The following MAGI2 variants were observed in gnomAD, a reference collection of about 807,000 sequenced individuals.
MAGI2 encodes the protein membrane associated guanylate kinase, WW and PDZ domain containing 2, also known as membrane-associated guanylate kinase, WW and PDZ domain-containing protein 2.
MAGI2 carries 35 observed loss-of-function variants against 133.3 expected under a neutral mutation model. That is an observed-to-expected ratio of 0.26 (90% confidence interval 0.20 to 0.35). The LOEUF is 0.35. Among genes scored for constraint, MAGI2 ranks in the 10% least tolerant of loss-of-function variants. MAGI2 has a pLI of 1.00. For synonymous variants in MAGI2, 729 were observed against 710.6 expected (o/e 1.03, Z -0.41); for missense variants, 1,636 against 1,863.4 (o/e 0.88, Z 2.25).
rs111948077 is a variant in MAGI2 at position 79,009,111 on chromosome 7, G to A, written c.302-1905C>T. On this transcript the variant is annotated intron_variant, in intron 1 of 21. Coordinates refer to ENST00000354212, the MANE Select transcript of MAGI2 (RefSeq NM_012301.4). ...TGCCAACTATAGAACAACAGATGTA[G>A]TCTCCTTATTAAGGTAAGCCAGAAT... The A allele has an allele frequency of 1.1e-4, 16 of 152,098 alleles. No individual in the cohort carries two copies. In the East Asian group the frequency reaches 1.4e-3, roughly 13 times the overall value. 9.4% of individuals were successfully genotyped at this position (152,098 alleles called of 1,614,324 possible). A position where few individuals can be genotyped will look rare whatever the true frequency, so the allele number is the denominator to read the frequency against.
At chr7:79,157,426 G>A (rs1823887072) in intron 1 of MAGI2, among the ~76,000 whole-genome samples, 1 of 151,954 alleles carries the variant, frequency 6.6e-6, no homozygotes, top group South Asian at 2.1e-4. Flanking sequence ...ACAGACCACT[G>A]GAGAGAGAAA....
intron 1 of MAGI2, among the ~76,000 whole-genome samples, chr7:79,038,695 A>G (rs929323120): frequency 6.6e-6 from 1 of 152,156 alleles, no homozygotes; most frequent in Non-Finnish European, 1.5e-5. Context: ...TGTGTATGGA[A>G]TATAATTTCT....
At chr7:78,388,989 G>A (rs1475061299) in intron 6 of MAGI2, among the ~76,000 whole-genome samples, 1 of 152,068 alleles carries the variant, frequency 6.6e-6, no homozygotes, top group Non-Finnish European at 1.5e-5. Context: ...ATCTATTTCT[G>A]CTCAAAGATC....
chr7:78,277,095 T>TTACATTAGTTTGATGTA (rs1456944086), intron 9 of MAGI2, among the ~76,000 whole-genome samples: 2 of 152,194 alleles, frequency 1.3e-5, no homozygotes, highest in Non-Finnish European at 2.9e-5. Flanking sequence ...CTAGTGTAAC[T>TTACATTAGTTTGATGTA]TACATTAGTT....
intron 2 of MAGI2, among the ~76,000 whole-genome samples, chr7:78,686,680 A>G (rs1374426457): frequency 6.6e-6 from 1 of 152,110 alleles, no homozygotes; most frequent in Non-Finnish European, 1.5e-5. Context: ...TGTTCAAAAT[A>G]TTGTCGAGCT....
At chr7:78,795,120 T>A (rs931741873) in intron 2 of MAGI2, among the ~76,000 whole-genome samples, 22 of 152,094 alleles carry the variant, frequency 1.4e-4, no homozygotes, top group African/African-American at 5.1e-4. Context: ...AAGGGAGATT[T>A]CAAATTATTA....
At chr7:78,847,193 T>A (rs115140888) in intron 2 of MAGI2, among the ~76,000 whole-genome samples, 1 of 152,124 alleles carries the variant, frequency 6.6e-6, no homozygotes, top group East Asian at 1.9e-4. Context: ...TCATAATTAA[T>A]ATATTCATTT....
chr7:78,760,361 C>CTCT (rs548812609), intron 2 of MAGI2, among the ~76,000 whole-genome samples: 3 of 124,640 alleles, frequency 2.4e-5, no homozygotes, highest in Non-Finnish European at 4.9e-5. Flanking sequence ...TTAATTCTCT[C>CTCT]TTTTTTTTTT....
intron 1 of MAGI2, among the ~76,000 whole-genome samples, chr7:79,317,802 G>A (rs1429509714): frequency 6.6e-6 from 1 of 152,086 alleles, no homozygotes; most frequent in African/African-American, 2.4e-5. Context: ...GCTTCTTGGG[G>A]AGTACTGTGA....
At chr7:79,121,600 A>G (rs986070556) in intron 1 of MAGI2, among the ~76,000 whole-genome samples, 2 of 151,872 alleles carry the variant, frequency 1.3e-5, no homozygotes, top group Non-Finnish European at 2.9e-5. Context: ...ATTCACATCA[A>G]CTCATCTTGC....
At chr7:79,376,960 T>G (rs1198081872) in intron 1 of MAGI2, among the ~76,000 whole-genome samples, 1 of 151,718 alleles carries the variant, frequency 6.6e-6, no homozygotes, top group Non-Finnish European at 1.5e-5. Flanking sequence ...ATTCTTCTGC[T>G]TGGTAGAGTC....
intron 1 of MAGI2, among the ~76,000 whole-genome samples, chr7:79,446,658 A>C (rs537067331): frequency 9.8e-5 from 15 of 152,290 alleles, no homozygotes; most frequent in African/African-American, 3.6e-4. Flanking sequence ...CTTTGAAAGT[A>C]TATCAATGGG....
chr7:79,182,747 C>T (rs1826731735), intron 1 of MAGI2, among the ~76,000 whole-genome samples: 1 of 152,006 alleles, frequency 6.6e-6, no homozygotes, highest in Admixed American at 6.6e-5. Flanking sequence ...TTTATTGCAA[C>T]ACTACTCACA....
At position 79,316,756 on chromosome 7, in the gene MAGI2, TA is replaced by T. The variant is rs565592751; in HGVS notation, c.301+136263del. On this transcript the variant is annotated intron_variant, in intron 1 of 21. Transcript: ENST00000354212. Reference sequence around the variant, plus strand: ...AGGAAAGAAGGTAACTAACATTTATTAAGTGCAAATTATGTGGTGGGCACTC... The same window carrying T: ...AGGAAAGAAGGTAACTAACATTTATTAGTGCAAATTATGTGGTGGGCACTC... Among the ~76,000 whole-genome samples the T allele has an allele frequency of 1.4e-4, 22 of 152,280 alleles. 1 individual carries two copies. In the South Asian group the frequency reaches 4.3e-3, roughly 30 times the overall value.
At chr7:78,924,994 T>A (rs1799582514) in intron 2 of MAGI2, among the ~76,000 whole-genome samples, 1 of 152,016 alleles carries the variant, frequency 6.6e-6, no homozygotes, top group South Asian at 2.1e-4. Flanking sequence ...GGAAAGGTGC[T>A]TTATTTTGAC....
chr7:78,087,774 C>T (rs1001727083), intron 20 of MAGI2, among the ~76,000 whole-genome samples: 1 of 152,134 alleles, frequency 6.6e-6, no homozygotes, highest in Non-Finnish European at 1.5e-5. Flanking sequence ...GCAGATAATC[C>T]AAACCCTAAA....
At chr7:79,028,273 G>A (rs71537525) in intron 1 of MAGI2, among the ~76,000 whole-genome samples, 206 of 20,304 alleles carry the variant, frequency 0.01, no homozygotes, top group Admixed American at 0.023. Flanking sequence ...ATATATGTAT[G>A]TATGTATATA....
chr7:79,345,228 A>T lies in MAGI2; in HGVS notation c.301+107792T>A, dbSNP rs144777721. Reference sequence around the variant, plus strand: ...CATCATGTCCTTATGAAAACGAGAAATGTGGGCACAGACACATATATCAGG... The same window carrying T: ...CATCATGTCCTTATGAAAACGAGAATTGTGGGCACAGACACATATATCAGG... On this transcript the variant is annotated intron_variant, in intron 1 of 21. Transcript: ENST00000354212. Among the ~76,000 whole-genome samples the T allele has an allele frequency of 1.4e-3, 214 of 152,208 alleles. 1 individual carries two copies. The highest frequency in any genetic ancestry group is 4.9e-3 in the African/African-American group (203 of 41,568).
At chr7:78,512,244 T>G (rs1795665481) in intron 4 of MAGI2, among the ~76,000 whole-genome samples, 1 of 152,186 alleles carries the variant, frequency 6.6e-6, no homozygotes. Flanking sequence ...TTCCCTTTAT[T>G]ATTTGAGGCC....
Sources: gnomAD v4.1 joint callset for allele counts (sites outside exome capture counted in the v4.1 genomes callset) on GRCh38, gnomAD v4.1.1 for gene constraint, MANE v1.5 for transcripts, NCBI Gene and HGNC (gene_info 2026-07-23, HGNC 2026-07-21) for gene names.